Variants in ZNF850 observed in about 807,000 individuals in gnomAD.
ZNF850 encodes putative zinc finger protein ENSP00000330994.
ZNF850 carries 2 observed loss-of-function variants against 11.9 expected under a neutral mutation model. The observed-to-expected ratio is 0.17, with a 90% CI of 0.07 to 0.53. The LOEUF (loss-of-function observed/expected upper bound fraction) is 0.53, where lower values mean the gene tolerates loss of function less well. Among genes scored for constraint, ZNF850 ranks in the 20% least tolerant of loss-of-function variants. The probability of loss-of-function intolerance (pLI) is 0.94; values close to 1 mark genes in which losing one functional copy is unlikely to be tolerated. For missense variants in ZNF850, 1,014 were observed against 1,316.4 expected, an observed-to-expected ratio of 0.77 and a Z score of 3.55; for synonymous variants, 381 against 443.0, an observed-to-expected ratio of 0.86 and a Z score of 1.76.
chr19:36,758,689 T>G (rs1200569315), intron 4 of ZNF850, among the ~76,000 whole-genome samples: 1 of 152,180 alleles, frequency 6.6e-6, no homozygotes, highest in Non-Finnish European at 1.5e-5. Context: ...AACTTTTAAA[T>G]TAACTAACCA....
intron 1 of ZNF850, among the ~76,000 whole-genome samples, chr19:36,770,703 CAA>C (rs567709722): frequency 2.9e-3 from 192 of 66,250 alleles, no homozygotes; most frequent in East Asian, 7.7e-3. Flanking sequence ...GAGACTCCAT[CAA>C]AAAAAAAAAA....
At position 36,750,008 on chromosome 19, in the gene ZNF850, T is replaced by A. The variant is rs1441366379; in HGVS notation, c.1032A>T (p.Lys344Asn). 1.3e-6 allele frequency: 2 copies of A among 1,548,132 alleles called. No homozygotes were observed. Among genetic ancestry groups the A allele is most frequent in the Non-Finnish European group, 1.7e-6 (2 of 1,149,766 alleles). Reference sequence around the variant, plus strand: ...TTAGTGCTGAGCCTGAAGCAAAAGATTTTCCACATTCCTTACAATCATACG... The same window carrying A: ...TTAGTGCTGAGCCTGAAGCAAAAGAATTTCCACATTCCTTACAATCATACG... ...EKPYDCKECG[K>N]SFASGSALIR... is the part of the protein sequence containing the mutation. Residue 344 changes from lysine (K) to asparagine (N), a missense_variant, in exon 5 of 5, where the codon AAA (lysine) becomes AAT (asparagine). Coordinates refer to ENST00000591344, the MANE Select transcript of ZNF850 (RefSeq NM_001193552.2).
chr19:36,746,771 T>C lies in ZNF850; in HGVS notation c.*996A>G, dbSNP rs1451651748. 1 of 152,172 alleles carries C rather than the reference T, an allele frequency of 6.6e-6. No individual in the cohort carries two copies. Among genetic ancestry groups the C allele is most frequent in the Non-Finnish European group, 1.5e-5 (1 of 68,036 alleles). The allele number at this position is 152,172 out of a possible 1,614,324, so 9.4% of individuals were successfully genotyped here. ...CCACCTTTGCAGTTATGGGCTAAAG[T>C]AGACAGGGAAATAGACAGGGAAGGC... is the stretch of plus-strand genomic sequence containing the variant. On this transcript the variant is annotated 3_prime_UTR_variant, in exon 5 of 5. Transcript: ENST00000591344.
At chr19:36,759,915 G>A (rs1400852266) in intron 4 of ZNF850, among the ~76,000 whole-genome samples, 1 of 152,122 alleles carries the variant, frequency 6.6e-6, no homozygotes, top group Non-Finnish European at 1.5e-5. Context: ...TTTTGTCCAT[G>A]TTAACATTGT....
At chr19:36,759,584 G>T (rs2145963475) in intron 4 of ZNF850, among the ~76,000 whole-genome samples, 1 of 152,278 alleles carries the variant, frequency 6.6e-6, no homozygotes, top group African/African-American at 2.4e-5. Flanking sequence ...AGGTCAACAG[G>T]CATAGATCAA....
intron 4 of ZNF850, among the ~76,000 whole-genome samples, chr19:36,754,759 C>T (rs557577714): frequency 6.6e-6 from 1 of 151,970 alleles, no homozygotes; most frequent in African/African-American, 2.4e-5. Context: ...GTTTCACCAT[C>T]TTGACCAGCC....
intron 4 of ZNF850, among the ~76,000 whole-genome samples, chr19:36,756,762 C>T (rs936239804): frequency 4.6e-5 from 7 of 152,018 alleles, no homozygotes; most frequent in African/African-American, 1.2e-4. Flanking sequence ...TACAGGTATG[C>T]GCCACCACGC....
chr19:36,754,770 T>C (rs1247733261), intron 4 of ZNF850, among the ~76,000 whole-genome samples: 1 of 152,098 alleles, frequency 6.6e-6, no homozygotes. Flanking sequence ...TTGACCAGCC[T>C]GGTCTTGAGC....
At chr19:36,755,512 C>T (rs966411182) in intron 4 of ZNF850, among the ~76,000 whole-genome samples, 1 of 152,070 alleles carries the variant, frequency 6.6e-6, no homozygotes, top group Non-Finnish European at 1.5e-5. Context: ...TGAGCCACCG[C>T]ACCTGGCCTA....
intron 4 of ZNF850, among the ~76,000 whole-genome samples, chr19:36,758,728 GA>G (rs1276761002): frequency 1.3e-5 from 2 of 152,206 alleles, no homozygotes; most frequent in Non-Finnish European, 2.9e-5. Context: ...AACTGAGTTG[GA>G]TGAGGCAGCT....
At chr19:36,756,710 C>A (rs1196506955) in intron 4 of ZNF850, among the ~76,000 whole-genome samples, 1 of 152,052 alleles carries the variant, frequency 6.6e-6, no homozygotes, top group Non-Finnish European at 1.5e-5. Context: ...GCCTCCTGGG[C>A]TCAACCAATT....
chr19:36,767,601 T>C (rs1195649196), intron 1 of ZNF850, among the ~76,000 whole-genome samples: 1 of 149,568 alleles, frequency 6.7e-6, no homozygotes, highest in African/African-American at 2.5e-5. Context: ...AGGTGGCGCA[T>C]GCCTGTAATC....
At chr19:36,762,255 T>G (rs1265098019) in intron 3 of ZNF850, 50 bp downstream of exon 3, 1 of 1,432,606 alleles carries the variant, frequency 7.0e-7, no homozygotes, top group East Asian at 2.5e-5. Flanking sequence ...CCCAGACAAT[T>G]GAAAGCTACA....
Position 36,749,748 on chromosome 19 carries a change from G to A in ZNF850, c.1292C>T (p.Thr431Ile). 6.4e-7 allele frequency: 1 copy of A among 1,554,938 alleles called. No homozygotes were observed. Among genetic ancestry groups the A allele is most frequent in the Non-Finnish European group, 8.7e-7 (1 of 1,152,280 alleles). Residue 431 changes from threonine (T) to isoleucine (I), a missense_variant, in exon 5 of 5, where the codon ACT becomes ATT. Physicochemically the swap from Thr to Ile is moderately conservative, Grantham distance 89. Transcript: ENST00000591344. ...ATGTTGAATTAGTGTTGAGCCAGCA[G>A]TAAAAGATTTTCCACATTCTTTACA... ...YDCKECGKSF[T>I]AGSTLIQHQR...
rs964385839 is a variant in ZNF850, at chr19:36,756,458, T to C, written c.235+5185A>G. On this transcript the variant is annotated intron_variant, in intron 4 of 4. Coordinates refer to ENST00000591344, the MANE Select transcript of ZNF850 (RefSeq NM_001193552.2). Reference sequence around the variant, plus strand: ...GTATCTATGTGTGCATTTTTTTCTTTTTATAAAAATAGAATTGTCCTATAC... The same window carrying C: ...GTATCTATGTGTGCATTTTTTTCTTCTTATAAAAATAGAATTGTCCTATAC... Among the ~76,000 whole-genome samples the C allele has an allele frequency of 7.2e-5, 11 of 152,342 alleles. No homozygotes were observed. In the South Asian group the frequency reaches 2.3e-3, roughly 32 times the overall value.
chr19:36,754,649 G>A (rs140301006), intron 4 of ZNF850, among the ~76,000 whole-genome samples: 2,790 of 151,974 alleles, frequency 0.018, 36 homozygotes, highest in South Asian at 0.054. Context: ...TCTGCCCTCC[G>A]AGTTCAAGCG....
intron 1 of ZNF850, among the ~76,000 whole-genome samples, chr19:36,766,614 C>T (rs1336195503): frequency 6.6e-6 from 1 of 152,160 alleles, no homozygotes; most frequent in Non-Finnish European, 1.5e-5. Flanking sequence ...CTTTCCCCTC[C>T]GATCTGTCCA....
At chr19:36,751,128 C>T (rs2040451742) in intron 4 of ZNF850, among the ~76,000 whole-genome samples, 1 of 150,280 alleles carries the variant, frequency 6.7e-6, no homozygotes, top group Non-Finnish European at 1.5e-5. Context: ...ATAGTATGTA[C>T]CCTTATATGA....
intron 1 of ZNF850, among the ~76,000 whole-genome samples, chr19:36,771,828 A>G: frequency 6.6e-6 from 1 of 152,076 alleles, no homozygotes. Flanking sequence ...CAACCGCCTG[A>G]CTTCCTTATC....
Sources: gnomAD v4.1 joint callset for allele counts (sites outside exome capture counted in the v4.1 genomes callset) on GRCh38, gnomAD v4.1.1 for gene constraint, MANE v1.5 for transcripts, NCBI Gene and HGNC (gene_info 2026-07-23, HGNC 2026-07-21) for gene names.